Variants in POU6F2 observed in about 807,000 individuals in gnomAD.
The protein encoded by POU6F2 is POU class 6 homeobox 2, also known as POU domain, class 6, transcription factor 2.
Under a neutral mutation model 71.3 loss-of-function variants are expected in POU6F2, and 31 were observed. The ratio of observed to expected loss-of-function variants is 0.43; its 90% CI spans 0.33 to 0.59. POU6F2 has a LOEUF of 0.59. Ranked by LOEUF, POU6F2 falls within the 20% of genes least tolerant of loss-of-function variation. The probability of loss-of-function intolerance (pLI) is 0.04; values close to 1 mark genes in which losing one functional copy is unlikely to be tolerated. For missense variants in POU6F2, 783 were observed against 856.8 expected (o/e 0.91, Z 1.07); for synonymous variants, 347 against 355.7 (o/e 0.98, Z 0.27).
intron 4 of POU6F2, among the ~76,000 whole-genome samples, chr7:39,315,392 G>A (rs1412325358): frequency 6.6e-6 from 1 of 152,174 alleles, no homozygotes; most frequent in Non-Finnish European, 1.5e-5. Flanking sequence ...GTTTTTGCAA[G>A]GGTTAGAGGA....
At chr7:39,177,178 C>T (rs941385651) in intron 2 of POU6F2, among the ~76,000 whole-genome samples, 1 of 152,174 alleles carries the variant, frequency 6.6e-6, no homozygotes, top group African/African-American at 2.4e-5. Flanking sequence ...ATGTATTTGT[C>T]CCTAGGACAC....
intron 1 of POU6F2, among the ~76,000 whole-genome samples, chr7:39,066,726 T>A (rs1268150740): frequency 6.6e-6 from 1 of 150,904 alleles, no homozygotes; most frequent in Non-Finnish European, 1.5e-5. Flanking sequence ...ATTCCCCCCC[T>A]TTTTATTTTA....
intron 4 of POU6F2, among the ~76,000 whole-genome samples, chr7:39,240,268 A>T (rs1225004170): frequency 6.6e-6 from 1 of 152,138 alleles, no homozygotes; most frequent in African/African-American, 2.4e-5. Flanking sequence ...AGCAAGTCAC[A>T]TAAATGATCC....
intron 2 of POU6F2, among the ~76,000 whole-genome samples, chr7:39,086,671 G>A (rs1791251766): frequency 6.6e-6 from 1 of 152,070 alleles, no homozygotes; most frequent in African/African-American, 2.4e-5. Flanking sequence ...ACTAAAAGTA[G>A]AGGCAGCCCA....
chr7:39,234,230 A>G (rs1377108656), intron 4 of POU6F2, among the ~76,000 whole-genome samples: 1 of 151,992 alleles, frequency 6.6e-6, no homozygotes, highest in Non-Finnish European at 1.5e-5. Context: ...TTATTAAGGG[A>G]AAAAAAGGAC....
chr7:39,414,383 T>C lies in POU6F2; in HGVS notation c.1113+7643T>C, dbSNP rs1787623857. Reference sequence around the variant, plus strand: ...TCGTAATATGCAAACCGAGGGCAAATGAACGTGGGAGGATCCGAGGCGCTC... The same window carrying C: ...TCGTAATATGCAAACCGAGGGCAAACGAACGTGGGAGGATCCGAGGCGCTC... On this transcript the variant is annotated intron_variant, in intron 6 of 9. Transcript: ENST00000518318. 2.0e-5 allele frequency among the ~76,000 whole-genome samples: 3 copies of C among 152,132 alleles called. No homozygotes were observed. The South Asian group carries it at 6.2e-4, about 32-fold the overall frequency.
chr7:39,091,244 AT>A (rs1791358939), intron 2 of POU6F2, among the ~76,000 whole-genome samples: 1 of 152,144 alleles, frequency 6.6e-6, no homozygotes, highest in Non-Finnish European at 1.5e-5. Flanking sequence ...GTGCACTTCA[AT>A]GGGGGACAGT....
chr7:39,027,537 A>G (rs759873805), intron 1 of POU6F2, among the ~76,000 whole-genome samples: 1 of 152,180 alleles, frequency 6.6e-6, no homozygotes, highest in African/African-American at 2.4e-5. Flanking sequence ...AAGGTCCTCC[A>G]ATTCCAATCA....
intron 4 of POU6F2, among the ~76,000 whole-genome samples, chr7:39,254,685 C>T (rs1490809798): frequency 6.6e-6 from 1 of 152,172 alleles, no homozygotes; most frequent in Admixed American, 6.5e-5. Flanking sequence ...TGGCCATCCT[C>T]AATCTGTTTT....
At chr7:39,063,100 G>T (rs1242634647) in intron 1 of POU6F2, among the ~76,000 whole-genome samples, 1 of 152,082 alleles carries the variant, frequency 6.6e-6, no homozygotes, top group Non-Finnish European at 1.5e-5. Context: ...TCATATAAAG[G>T]TGCTACAAGA....
chr7:39,341,874 C>G (rs1785924417), intron 5 of POU6F2, among the ~76,000 whole-genome samples: 1 of 152,270 alleles, frequency 6.6e-6, no homozygotes, highest in East Asian at 1.9e-4. Flanking sequence ...ATGAAGTGAC[C>G]ACGCAGCCTC....
chr7:39,187,048 A>C (rs780673268), intron 2 of POU6F2, among the ~76,000 whole-genome samples: 2 of 152,222 alleles, frequency 1.3e-5, no homozygotes, highest in Non-Finnish European at 2.9e-5. Flanking sequence ...GAAAGCTTAC[A>C]TTTATTGTGT....
At chr7:39,424,609 T>C (rs1244321740) in intron 6 of POU6F2, among the ~76,000 whole-genome samples, 2 of 152,166 alleles carry the variant, frequency 1.3e-5, no homozygotes, top group Non-Finnish European at 2.9e-5. Flanking sequence ...CCTCACTTAA[T>C]TCTCATCTCA....
At chr7:39,220,955 C>G (rs566359354) in intron 4 of POU6F2, among the ~76,000 whole-genome samples, 1 of 151,918 alleles carries the variant, frequency 6.6e-6, no homozygotes, top group African/African-American at 2.4e-5. Flanking sequence ...CACACAAATG[C>G]AAAATATCTC....
chr7:39,193,853 C>T (rs531982326), intron 2 of POU6F2, among the ~76,000 whole-genome samples: 15 of 152,246 alleles, frequency 9.9e-5, no homozygotes, highest in Non-Finnish European at 1.9e-4. Flanking sequence ...TAATTTCTGT[C>T]TATTTATTTA....
intron 6 of POU6F2, 55 bp downstream of exon 6, chr7:39,406,795 GGAATT>G (rs746173509): frequency 7.0e-5 from 112 of 1,596,216 alleles, no homozygotes; most frequent in Non-Finnish European, 8.9e-5. Context: ...AACTCGGAAA[GGAATT>G]GAATTTCTTT....
intron 5 of POU6F2, among the ~76,000 whole-genome samples, chr7:39,348,977 A>C (rs1583542564): frequency 6.6e-6 from 1 of 152,334 alleles, no homozygotes. Flanking sequence ...AATGCTAATT[A>C]ATATCTCCTG....
intron 4 of POU6F2, among the ~76,000 whole-genome samples, chr7:39,236,072 A>G (rs749288855): frequency 2.6e-5 from 4 of 152,212 alleles, no homozygotes; most frequent in Non-Finnish European, 5.9e-5. Context: ...ACATTTTCCC[A>G]AGAAACTATT....
chr7:39,399,587 C>T (rs1351268081), intron 5 of POU6F2, among the ~76,000 whole-genome samples: 1 of 152,182 alleles, frequency 6.6e-6, no homozygotes. Flanking sequence ...GGCCCAGTGG[C>T]TCACACGTAT....
Sources: gnomAD v4.1 joint callset for allele counts (sites outside exome capture counted in the v4.1 genomes callset) on GRCh38, gnomAD v4.1.1 for gene constraint, MANE v1.5 for transcripts, NCBI Gene and HGNC (gene_info 2026-07-23, HGNC 2026-07-21) for gene names.